The following LRTM2 variants were observed in gnomAD, a reference collection of about 807,000 sequenced individuals.
LRTM2 encodes the protein leucine-rich repeat and transmembrane domain-containing protein 2.
Under a neutral mutation model 28.1 loss-of-function variants are expected in LRTM2, and 18 were observed. That is an observed-to-expected ratio of 0.64 (90% confidence interval 0.44 to 0.95). The LOEUF is 0.95. LRTM2 is among the 40% of genes least tolerant of loss of function. The probability of loss-of-function intolerance (pLI) is 0.00; values close to 1 mark genes in which losing one functional copy is unlikely to be tolerated. For synonymous variants in LRTM2, 250 were observed against 218.7 expected (o/e 1.14, Z -1.26); for missense variants, 436 against 497.2 (o/e 0.88, Z 1.17).
At chr12:1,827,063 G>C (rs569049291) in intron 1 of LRTM2, among the ~76,000 whole-genome samples, 1 of 152,226 alleles carries the variant, frequency 6.6e-6, no homozygotes, top group South Asian at 2.1e-4. Context: ...GCCGCCTGGA[G>C]CAGTGGGCTG....
In LRTM2 at chr12:1,834,963, G is replaced by A; in HGVS notation, c.*242G>A. On this transcript the variant is annotated 3_prime_UTR_variant, in exon 5 of 5. Transcript: ENST00000299194. The surrounding 1 kb of genome is among the most constrained non-coding windows in gnomAD (Gnocchi z 7.6). ...GCCAGTAAATCTTTGGAACATGTGG[G>A]GGATCTCCCTAAGCTCTGGCCACAG... 1.5e-6 allele frequency: 1 copy of A among 681,510 alleles called. No homozygotes were observed. Among genetic ancestry groups the A allele is most frequent in the Non-Finnish European group, 2.3e-6 (1 of 428,018 alleles). The allele number at this position is 681,510 out of a possible 1,614,324, so 42.2% of individuals were successfully genotyped here.
intron 4 of LRTM2, among the ~76,000 whole-genome samples, chr12:1,832,325 C>T (rs1349892570): frequency 1.3e-5 from 2 of 152,174 alleles, no homozygotes; most frequent in Non-Finnish European, 2.9e-5. Flanking sequence ...ATATCTATTT[C>T]GTAGGGTCAT....
intron 4 of LRTM2, among the ~76,000 whole-genome samples, chr12:1,832,287 G>A (rs1479691946): frequency 6.6e-6 from 1 of 152,190 alleles, no homozygotes; most frequent in Admixed American, 6.5e-5. Flanking sequence ...CTGTGGCAGG[G>A]CCTGGTCTGT....
At position 1,829,368 on chromosome 12, in the gene LRTM2, A is replaced by G. The variant is rs1290786986; in HGVS notation, c.67+1153A>G. Among the ~76,000 whole-genome samples, 1 of 152,032 alleles carries G rather than the reference A, an allele frequency of 6.6e-6. No individual in the cohort carries two copies. The highest frequency in any genetic ancestry group is 2.4e-5 in the African/African-American group (1 of 41,384). On this transcript the variant is annotated intron_variant, in intron 3 of 4. Coordinates refer to ENST00000299194, the MANE Select transcript of LRTM2 (RefSeq NM_001039029.3). This position sits in a 1 kb window ranked among gnomAD's most constrained non-coding sequence, Gnocchi z 4.2. Reference sequence around the variant, plus strand: ...TGGGGTGGTGGTATGGGGCTGGCTGATCTGGTAGCAGACGGGCTCAGAGGG... The same window carrying G: ...TGGGGTGGTGGTATGGGGCTGGCTGGTCTGGTAGCAGACGGGCTCAGAGGG...
chr12:1,834,535 C>T lies in LRTM2; in HGVS notation c.927C>T (p.Gly309=), dbSNP rs373943106. The T allele has an allele frequency of 5.0e-6, 8 of 1,604,826 alleles. No individual in the cohort carries two copies. The African/African-American group carries it at 1.1e-4, about 21-fold the overall frequency. The stretch of plus-strand genomic sequence containing the variant: ...CGGCGAGCGTGAGGCGAGCCATGGG[C>T]ACGGTGATCATTGCAGGGGTCGTGT... The part of the protein sequence containing the change: ...HRPASVRRAM[G]TVIIAGVVCG... Residue 309 remains glycine (G), a synonymous_variant, in exon 5 of 5, where the codon GGC becomes GGT. Transcript: ENST00000299194. This position sits in a 1 kb window ranked among gnomAD's most constrained non-coding sequence, Gnocchi z 7.6.
At chr12:1,824,644 T>G (rs1459588394) in intron 1 of LRTM2, among the ~76,000 whole-genome samples, 1 of 152,196 alleles carries the variant, frequency 6.6e-6, no homozygotes, top group Non-Finnish European at 1.5e-5. Flanking sequence ...GGTAGGGACT[T>G]CCCTCCCAGA....
rs1274954739 is a variant in LRTM2 at position 1,829,169 on chromosome 12, G to GC, written c.67+954_67+955insC. On this transcript the variant is annotated intron_variant, in intron 3 of 4. Transcript: ENST00000299194. This position sits in a 1 kb window ranked among gnomAD's most constrained non-coding sequence, Gnocchi z 4.2. Reference sequence around the variant, plus strand: ...TGCCACCTTGATCTCCAGGGAGGTGGGGGGCGCAGGGAGTCGCTCTTCCGC... The same window carrying GC: ...TGCCACCTTGATCTCCAGGGAGGTGGCGGGGCGCAGGGAGTCGCTCTTCCGC... 3.9e-5 allele frequency among the ~76,000 whole-genome samples: 6 copies of GC among 152,172 alleles called. No homozygotes were observed. Among genetic ancestry groups the GC allele is most frequent in the African/African-American group, 1.4e-4 (6 of 41,436 alleles).
At chr12:1,825,490 G>A (rs146621930) in intron 1 of LRTM2, among the ~76,000 whole-genome samples, 5 of 152,324 alleles carry the variant, frequency 3.3e-5, no homozygotes, top group South Asian at 2.1e-4. Flanking sequence ...GGCTGGAGGC[G>A]GCTTACACAT....
chr12:1,821,215 G>A (rs563260638), intron 1 of LRTM2, among the ~76,000 whole-genome samples: 117 of 152,334 alleles, frequency 7.7e-4, no homozygotes, highest in African/African-American at 2.5e-3. Context: ...CATGGGAAGC[G>A]GTTGGGATGG....
In LRTM2 at chr12:1,828,362, T is replaced by G; in HGVS notation, c.67+147T>G. On this transcript the variant is annotated intron_variant, in intron 3 of 4. Transcript: ENST00000299194. This position sits in a 1 kb window ranked among gnomAD's most constrained non-coding sequence, Gnocchi z 4.2. The stretch of plus-strand genomic sequence containing the variant: ...TCCTGGGGTACCCGAGGCTATGTTC[T>G]GGGAAGCCAGGGTCACGCCCACGGT... 1.4e-6 allele frequency: 1 copy of G among 697,564 alleles called. No individual in the cohort carries two copies. 43.2% of individuals were successfully genotyped at this position (697,564 alleles called of 1,614,324 possible).
In LRTM2 at chr12:1,834,736, C is replaced by T; in HGVS notation, c.*15C>T. 6.4e-7 allele frequency: 1 copy of T among 1,572,614 alleles called. No individual in the cohort carries two copies. ...CTGTGGCCTGAGCGCCCATCCCCAC[C>T]CGGCCAGGTAGGAAGGGCGGGGAGA... On this transcript the variant is annotated 3_prime_UTR_variant, in exon 5 of 5. Coordinates refer to ENST00000299194, the MANE Select transcript of LRTM2 (RefSeq NM_001039029.3). The surrounding 1 kb of genome is among the most constrained non-coding windows in gnomAD (Gnocchi z 7.6).
Position 1,829,565 on chromosome 12 carries a change from C to T in LRTM2, c.67+1350C>T, listed in dbSNP as rs58095108. On this transcript the variant is annotated intron_variant, in intron 3 of 4. Transcript: ENST00000299194. The surrounding 1 kb of genome is among the most constrained non-coding windows in gnomAD (Gnocchi z 4.2). ...CCACGTGTCAGCTCTCAGCTGTCAT[C>T]GATCCTCCAGGCAGGGAAGGGGAGA... 9.5e-3 allele frequency among the ~76,000 whole-genome samples: 1,441 copies of T among 152,106 alleles called. 21 individuals are homozygous for T. Among genetic ancestry groups the T allele is most frequent in the African/African-American group, 0.033 (1,376 of 41,520 alleles).
Sources: gnomAD v4.1 joint callset for allele counts (sites outside exome capture counted in the v4.1 genomes callset) on GRCh38, gnomAD v4.1.1 for gene constraint, Gnocchi (gnomAD v3.1) non-coding constraint, MANE v1.5 for transcripts, NCBI Gene and HGNC (gene_info 2026-07-23, HGNC 2026-07-21) for gene names.